LHFPL3: variants seen among roughly 807,000 people sequenced by gnomAD.
The protein encoded by LHFPL3 is LHFPL tetraspan subfamily member 3 protein.
In LHFPL3, 5 loss-of-function variants were observed where a neutral mutation model predicts 19.3. The ratio of observed to expected loss-of-function variants is 0.26; its 90% CI spans 0.14 to 0.54. The LOEUF (loss-of-function observed/expected upper bound fraction) is 0.54, where lower values mean the gene tolerates loss of function less well. Ranked by LOEUF, LHFPL3 falls within the 20% of genes least tolerant of loss-of-function variation. The pLI, the probability that LHFPL3 is intolerant of heterozygous loss-of-function variation, is 0.94. For synonymous variants in LHFPL3, 133 were observed against 126.2 expected (o/e 1.05, Z -0.36); for missense variants, 249 against 307.4 (o/e 0.81, Z 1.42).
At chr7:104,892,768 TG>T (rs1792276998) in intron 2 of LHFPL3, among the ~76,000 whole-genome samples, 1 of 151,164 alleles carries the variant, frequency 6.6e-6, no homozygotes, top group Admixed American at 6.6e-5. Flanking sequence ...ACTAACATTA[TG>T]GGGTAGATCC....
chr7:104,813,597 G>T (rs1350918582), intron 2 of LHFPL3, among the ~76,000 whole-genome samples: 1 of 152,198 alleles, frequency 6.6e-6, no homozygotes, highest in Non-Finnish European at 1.5e-5. Flanking sequence ...GGCGAGAGGT[G>T]TGTGAGTGAG....
At chr7:104,876,436 A>G (rs1007812821) in intron 2 of LHFPL3, among the ~76,000 whole-genome samples, 3 of 152,204 alleles carry the variant, frequency 2.0e-5, no homozygotes, top group African/African-American at 4.8e-5. Context: ...TTTACAAGAA[A>G]AAAACAACCC....
intron 1 of LHFPL3, among the ~76,000 whole-genome samples, chr7:104,408,048 A>G (rs1562888261): frequency 6.6e-6 from 1 of 152,210 alleles, no homozygotes; most frequent in Non-Finnish European, 1.5e-5. Flanking sequence ...TGGTAGGACT[A>G]GGAAACCCAG....
intron 2 of LHFPL3, among the ~76,000 whole-genome samples, chr7:104,874,222 A>G (rs1791890886): frequency 2.6e-5 from 4 of 152,266 alleles, no homozygotes; most frequent in Admixed American, 2.6e-4. Flanking sequence ...ATTGATGCCA[A>G]TTAACTGCAC....
intron 1 of LHFPL3, among the ~76,000 whole-genome samples, chr7:104,341,183 C>A (rs1457958939): frequency 6.6e-6 from 1 of 152,112 alleles, no homozygotes; most frequent in Non-Finnish European, 1.5e-5. Flanking sequence ...ATCTGTGAAT[C>A]TTTATTGTTT....
At chr7:104,577,224 G>T (rs1160420908) in intron 1 of LHFPL3, among the ~76,000 whole-genome samples, 1 of 152,136 alleles carries the variant, frequency 6.6e-6, no homozygotes, top group Non-Finnish European at 1.5e-5. Flanking sequence ...ACACATGGGA[G>T]AGCTAGACAT....
chr7:104,641,604 A>G (rs1791835368), intron 1 of LHFPL3, among the ~76,000 whole-genome samples: 1 of 152,184 alleles, frequency 6.6e-6, no homozygotes, highest in African/African-American at 2.4e-5. Context: ...TACATGAAAA[A>G]TGAGAGGATT....
intron 1 of LHFPL3, among the ~76,000 whole-genome samples, chr7:104,519,203 GA>G (rs1344102395): frequency 6.6e-6 from 1 of 152,068 alleles, no homozygotes; most frequent in Non-Finnish European, 1.5e-5. Context: ...AACATAAGCT[GA>G]AAAATGGTGT....
At chr7:104,891,742 T>C (rs1208877989) in intron 2 of LHFPL3, among the ~76,000 whole-genome samples, 1 of 152,196 alleles carries the variant, frequency 6.6e-6, no homozygotes, top group East Asian at 1.9e-4. Flanking sequence ...GAGCAAGAGA[T>C]GGACAAAGCA....
chr7:104,557,467 T>C (rs1289388668), intron 1 of LHFPL3, among the ~76,000 whole-genome samples: 4 of 152,004 alleles, frequency 2.6e-5, no homozygotes, highest in African/African-American at 4.8e-5. Flanking sequence ...CATGAGAACA[T>C]GAGAACAGCG....
intron 1 of LHFPL3, among the ~76,000 whole-genome samples, chr7:104,346,392 C>T (rs1454271970): frequency 1.3e-5 from 2 of 151,128 alleles, no homozygotes; most frequent in Admixed American, 6.6e-5. Context: ...ATGTAAGTCC[C>T]GTGGATAATA....
At chr7:104,688,332 G>T (rs1372218808) in intron 1 of LHFPL3, among the ~76,000 whole-genome samples, 1 of 152,168 alleles carries the variant, frequency 6.6e-6, no homozygotes, top group Non-Finnish European at 1.5e-5. Flanking sequence ...TGTAGACAAA[G>T]GGCTGAAATT....
At chr7:104,707,655 T>C (rs1212953375) in intron 1 of LHFPL3, among the ~76,000 whole-genome samples, 2 of 152,158 alleles carry the variant, frequency 1.3e-5, no homozygotes, top group Non-Finnish European at 2.9e-5. Flanking sequence ...TTCCTAGTAG[T>C]GTTTTTTTGT....
In LHFPL3 at chr7:104,581,994, G is replaced by A. The variant is rs548055071; in HGVS notation, c.446-154681G>A. ...TTCATATACCTTTAAAAATAAGTTT[G>A]TTCATTTTTATCAGAAAGCCTTTAT... On this transcript the variant is annotated intron_variant, in intron 1 of 2. Coordinates refer to ENST00000424859, the MANE Select transcript of LHFPL3 (RefSeq NM_199000.3). Among the ~76,000 whole-genome samples, 7 of 151,924 alleles carry A rather than the reference G, an allele frequency of 4.6e-5. No homozygotes were observed. The East Asian group carries it at 1.4e-3, about 29-fold the overall frequency.
intron 1 of LHFPL3, among the ~76,000 whole-genome samples, chr7:104,387,777 T>C (rs775012060): frequency 1.1e-4 from 17 of 152,178 alleles, no homozygotes; most frequent in Non-Finnish European, 2.5e-4. Context: ...AGTCAAACTA[T>C]TGAAAGACAA....
intron 1 of LHFPL3, among the ~76,000 whole-genome samples, chr7:104,612,574 T>A (rs1264153061): frequency 1.3e-5 from 2 of 152,216 alleles, no homozygotes; most frequent in Non-Finnish European, 2.9e-5. Context: ...TATACAAGTA[T>A]CTGAATGTCC....
intron 1 of LHFPL3, among the ~76,000 whole-genome samples, chr7:104,585,983 G>A (rs1219860032): frequency 4.6e-5 from 7 of 152,212 alleles, no homozygotes; most frequent in Non-Finnish European, 4.4e-5. Context: ...CATGCAGTCA[G>A]TGAGAAAAAT....
chr7:104,515,338 T>A (rs1216218670), intron 1 of LHFPL3, among the ~76,000 whole-genome samples: 1 of 152,192 alleles, frequency 6.6e-6, no homozygotes, highest in African/African-American at 2.4e-5. Flanking sequence ...TAAAATCTTG[T>A]GCCAAATTTC....
chr7:104,365,833 T>C (rs999253800), intron 1 of LHFPL3, among the ~76,000 whole-genome samples: 3 of 150,322 alleles, frequency 2.0e-5, no homozygotes, highest in Admixed American at 6.6e-5. Context: ...CTAGGCCATC[T>C]TCCTAGAATG....
Sources: allele counts gnomAD v4.1 joint callset (sites outside exome capture counted in the v4.1 genomes callset), GRCh38; gene constraint gnomAD v4.1.1; transcripts MANE v1.5; gene names NCBI Gene and HGNC (gene_info 2026-07-23, HGNC 2026-07-21).